The following C12orf42 variants were observed in gnomAD, a reference collection of about 807,000 sequenced individuals.
C12orf42 encodes chromosome 12 open reading frame 42.
C12orf42 carries 25 observed loss-of-function variants against 21.6 expected under a neutral mutation model. The observed-to-expected ratio is 1.16, with a 90% confidence interval of 0.84 to 1.62. C12orf42 has a LOEUF of 1.62. Among genes scored for constraint, C12orf42 ranks in the 40% most tolerant of loss-of-function variants. C12orf42 has a pLI of 0.00. For missense variants in C12orf42, 483 were observed against 459.3 expected (o/e 1.05, Z -0.47); for synonymous variants, 174 against 175.0 (o/e 0.99, Z 0.05).
At chr12:103,370,368 T>G (rs1047682814) in intron 3 of C12orf42, among the ~76,000 whole-genome samples, 1 of 152,086 alleles carries the variant, frequency 6.6e-6, no homozygotes. Context: ...AGCAATCACA[T>G]TATTAGATAT....
At chr12:103,170,036 A>G in the C12orf42 span, among the ~76,000 whole-genome samples, 766 of 152,290 alleles carry the variant, frequency 5.0e-3, 5 homozygotes, top group African/African-American at 0.018. Flanking sequence ...TTGGAAAGTC[A>G]AGAAGCTAAA....
chr12:103,395,055 G>A (rs149652108), intron 3 of C12orf42, among the ~76,000 whole-genome samples: 182 of 152,340 alleles, frequency 1.2e-3, no homozygotes, highest in African/African-American at 4.0e-3. Context: ...CCAGCATCCT[G>A]CTGGGAGCTA....
intron 4 of C12orf42, among the ~76,000 whole-genome samples, chr12:103,335,182 T>C (rs1401856977): frequency 2.0e-5 from 3 of 152,228 alleles, no homozygotes; most frequent in Admixed American, 6.5e-5. Flanking sequence ...CATATAAAGA[T>C]TGGGACATCA....
chr12:103,484,827 T>C (rs2138106871), intron 1 of C12orf42, among the ~76,000 whole-genome samples: 1 of 151,762 alleles, frequency 6.6e-6, no homozygotes, highest in African/African-American at 2.4e-5. Context: ...CTTGAATTAA[T>C]TTTTGTATAA....
chr12:103,478,301 C>T lies in C12orf42; in HGVS notation c.78+48G>A, dbSNP rs1175417540. 2.4e-6 allele frequency: 3 copies of T among 1,251,236 alleles called. No individual in the cohort carries two copies. The South Asian group carries it at 4.0e-5, about 17-fold the overall frequency. The allele number at this position is 1,251,236 out of a possible 1,614,324, so 77.5% of individuals were successfully genotyped here. A position where few individuals can be genotyped will look rare whatever the true frequency, so the allele number is the denominator to read the frequency against. The stretch of plus-strand genomic sequence containing the variant: ...AATTAGTGGCTGAAATGGAGCAAAC[C>T]TATTAACCTAAAAAAAGTAAGAAAA... On this transcript the variant is annotated intron_variant, in intron 2 of 5. Transcript: ENST00000548883.
At chr12:103,362,010 T>C (rs1174387927) in intron 4 of C12orf42, among the ~76,000 whole-genome samples, 1 of 152,146 alleles carries the variant, frequency 6.6e-6, no homozygotes, top group Non-Finnish European at 1.5e-5. Context: ...CCACAGCTGA[T>C]GCCCTCTTGA....
chr12:103,516,594 C>A, the C12orf42 span, among the ~76,000 whole-genome samples: 36 of 152,270 alleles, frequency 2.4e-4, no homozygotes, highest in East Asian at 6.4e-3. Context: ...GCAGGGGAAA[C>A]TACCACTTAT....
At chr12:103,446,371 C>T (rs1335481498) in intron 2 of C12orf42, among the ~76,000 whole-genome samples, 5 of 151,878 alleles carry the variant, frequency 3.3e-5, no homozygotes, top group African/African-American at 9.7e-5. Flanking sequence ...CTCTAAATCT[C>T]GAAACAAATC....
intron 4 of C12orf42, among the ~76,000 whole-genome samples, chr12:103,358,073 C>G (rs1415966834): frequency 6.6e-6 from 1 of 151,892 alleles, no homozygotes; most frequent in Non-Finnish European, 1.5e-5. Context: ...TTTGGGGTGA[C>G]GACTCCATGT....
At chr12:103,348,830 T>A (rs1471372007) in intron 4 of C12orf42, among the ~76,000 whole-genome samples, 1 of 151,826 alleles carries the variant, frequency 6.6e-6, no homozygotes, top group African/African-American at 2.4e-5. Flanking sequence ...CAGAGCAGGG[T>A]GAGATAAGGA....
chr12:103,397,323 G>A (rs1230809223), intron 3 of C12orf42, among the ~76,000 whole-genome samples: 6 of 152,120 alleles, frequency 3.9e-5, no homozygotes, highest in Non-Finnish European at 7.4e-5. Context: ...AGTCCTCTAT[G>A]TCAGGGGTTC....
At chr12:103,133,521 G>T in the C12orf42 span, among the ~76,000 whole-genome samples, 1 of 152,132 alleles carries the variant, frequency 6.6e-6, no homozygotes, top group Non-Finnish European at 1.5e-5. Flanking sequence ...CCTGTCTCTA[G>T]CAAAACTTCA....
chr12:103,416,244 T>G (rs112802657), intron 2 of C12orf42, among the ~76,000 whole-genome samples: 1 of 148,696 alleles, frequency 6.7e-6, no homozygotes, highest in Non-Finnish European at 1.5e-5. Flanking sequence ...AAAAAAAGGG[T>G]TGTGACTCCC....
At chr12:103,206,815 C>G in the C12orf42 span, among the ~76,000 whole-genome samples, 1 of 152,260 alleles carries the variant, frequency 6.6e-6, no homozygotes, top group South Asian at 2.1e-4. Context: ...ATTCACCATC[C>G]ATAATATGAT....
the C12orf42 span, among the ~76,000 whole-genome samples, chr12:103,158,873 CA>C: frequency 0.034 from 3,720 of 109,694 alleles, 46 homozygotes; most frequent in Non-Finnish European, 0.043. Flanking sequence ...GAGCAAGACT[CA>C]AAAAAAAAAA....
chr12:103,487,413 G>A (rs994342777), intron 1 of C12orf42, among the ~76,000 whole-genome samples: 5 of 152,212 alleles, frequency 3.3e-5, no homozygotes, highest in Admixed American at 2.6e-4. Context: ...ATGTGGTGCT[G>A]AGAAGAATGT....
rs1185433503 is a variant in C12orf42 at position 103,305,837 on chromosome 12, G to A, written c.631+137C>T. ...AACAAGCAGACTTTCATTGAAGACT[G>A]GCTACTACAGTTCTTACAGTACCTT... On this transcript the variant is annotated intron_variant, in intron 5 of 5. Coordinates refer to ENST00000548883, the MANE Select transcript of C12orf42 (RefSeq NM_198521.5). 1.5e-5 allele frequency: 16 copies of A among 1,069,640 alleles called. No homozygotes were observed. In the Admixed American group the frequency reaches 3.0e-4, roughly 20 times the overall value. The allele number at this position is 1,069,640 out of a possible 1,614,324, so 66.3% of individuals were successfully genotyped here.
the C12orf42 span, chr12:103,550,727 C>T: frequency 1.3e-5 from 2 of 152,114 alleles, no homozygotes; most frequent in African/African-American, 4.8e-5. Flanking sequence ...AAAAGTTAGC[C>T]TTTTGTACGT....
intron 2 of C12orf42, among the ~76,000 whole-genome samples, chr12:103,435,660 GATGAA>G (rs1306895501): frequency 1.3e-5 from 2 of 151,842 alleles, no homozygotes; most frequent in African/African-American, 4.8e-5. Context: ...AGCAATGGAA[GATGAA>G]ATGAATGAAA....
Sources: allele counts gnomAD v4.1 joint callset (sites outside exome capture counted in the v4.1 genomes callset), GRCh38; gene constraint gnomAD v4.1.1; transcripts MANE v1.5; gene names NCBI Gene and HGNC (gene_info 2026-07-23, HGNC 2026-07-21).